The following MLLT3 variants were observed in gnomAD, a reference collection of about 807,000 sequenced individuals.
MLLT3 encodes MLLT3 super elongation complex subunit, also known as protein AF-9.
A neutral mutation model predicts 53.2 loss-of-function variants in MLLT3; 4 were observed. The ratio of observed to expected loss-of-function variants is 0.08; its 90% CI spans 0.04 to 0.17. MLLT3 has a LOEUF of 0.17. MLLT3 is among the 10% of genes least tolerant of loss of function. The pLI, the probability that MLLT3 is intolerant of heterozygous loss-of-function variation, is 1.00. For synonymous variants in MLLT3, 283 were observed against 230.6 expected, an observed-to-expected ratio of 1.23 and a Z score of -2.06; for missense variants, 569 against 684.0, an observed-to-expected ratio of 0.83 and a Z score of 1.87.
At chr9:20,353,045 GA>G (rs531572654) in intron 10 of MLLT3, among the ~76,000 whole-genome samples, 9 of 151,954 alleles carry the variant, frequency 5.9e-5, no homozygotes, top group Non-Finnish European at 1.3e-4. Context: ...CATAATAATA[GA>G]ATGTATGTCA....
intron 5 of MLLT3, among the ~76,000 whole-genome samples, chr9:20,393,393 T>C (rs936794959): frequency 6.6e-6 from 1 of 152,196 alleles, no homozygotes; most frequent in Non-Finnish European, 1.5e-5. Context: ...GGACTACTCA[T>C]AGAAGATTAT....
At chr9:20,372,840 T>C (rs1423932521) in intron 5 of MLLT3, among the ~76,000 whole-genome samples, 1 of 152,112 alleles carries the variant, frequency 6.6e-6, no homozygotes, top group Non-Finnish European at 1.5e-5. Context: ...CCAAGAAAAT[T>C]GTAAGCATTT....
chr9:20,597,945 C>G (rs1337095939), intron 2 of MLLT3, among the ~76,000 whole-genome samples: 3 of 152,166 alleles, frequency 2.0e-5, no homozygotes, highest in Non-Finnish European at 4.4e-5. Flanking sequence ...TCAACCAGGT[C>G]CTGTTTCTGT....
rs1241205382 is a variant in MLLT3, at chr9:20,448,447, T to A, written c.277-181A>T. 3.5e-4 allele frequency among the ~76,000 whole-genome samples: 53 copies of A among 151,462 alleles called. No homozygotes were observed. The highest frequency in any genetic ancestry group is 3.2e-3 in the Admixed American group (49 of 15,214). On this transcript the variant is annotated intron_variant, in intron 3 of 10. Transcript: ENST00000380338. This position sits in a 1 kb window ranked among gnomAD's most constrained non-coding sequence, Gnocchi z 4.0. ...AATCATCAGTGAAACAAAATAGAAA[T>A]GTCTGACAAATTAGTTTCTTGTGTT...
At chr9:20,463,313 CACA>C (rs1018405885) in intron 2 of MLLT3, among the ~76,000 whole-genome samples, 4 of 152,016 alleles carry the variant, frequency 2.6e-5, no homozygotes, top group African/African-American at 9.7e-5. Flanking sequence ...TTAACATACG[CACA>C]ACATTTTCAG....
intron 2 of MLLT3, among the ~76,000 whole-genome samples, chr9:20,523,395 T>C (rs973994153): frequency 2.2e-4 from 33 of 152,232 alleles, no homozygotes; most frequent in African/African-American, 7.2e-4. Flanking sequence ...GTTGAAAATT[T>C]AAGTCCATAC....
intron 10 of MLLT3, among the ~76,000 whole-genome samples, 189 bp downstream of exon 10, chr9:20,353,336 C>G (rs1207937646): frequency 1.3e-5 from 2 of 152,196 alleles, no homozygotes; most frequent in East Asian, 3.8e-4. Context: ...GAACAGTTGC[C>G]ATAGAGCTCC....
intron 2 of MLLT3, among the ~76,000 whole-genome samples, chr9:20,483,697 T>G (rs984102015): frequency 1.8e-5 from 2 of 110,432 alleles, no homozygotes; most frequent in Non-Finnish European, 3.5e-5. Flanking sequence ...TCAGTAAAAC[T>G]CTTTTTTTTT....
intron 4 of MLLT3, among the ~76,000 whole-genome samples, chr9:20,434,907 T>A (rs1823365370): frequency 6.6e-6 from 1 of 152,176 alleles, no homozygotes; most frequent in Admixed American, 6.5e-5. Context: ...CATTTCCACA[T>A]CTTGTTGGGA....
rs1032147949 is a variant in MLLT3, at chr9:20,341,880, C to A, written c.*4563G>T. Reference sequence around the variant, plus strand: ...CCGGGCACACATAGCCCAGTTTATGCCAAAAAATGTATCCCACCACTTCTT... The same window carrying A: ...CCGGGCACACATAGCCCAGTTTATGACAAAAAATGTATCCCACCACTTCTT... On this transcript the variant is annotated 3_prime_UTR_variant, in exon 11 of 11. Transcript: ENST00000380338. 4 of 204,056 alleles carry A rather than the reference C, an allele frequency of 2.0e-5. No homozygotes were observed. Among genetic ancestry groups the A allele is most frequent in the African/African-American group, 6.9e-5 (3 of 43,576 alleles). 12.6% of individuals were successfully genotyped at this position (204,056 alleles called of 1,614,324 possible). A position where few individuals can be genotyped will look rare whatever the true frequency, so the allele number is the denominator to read the frequency against.
At chr9:20,406,664 C>T (rs891440448) in intron 5 of MLLT3, among the ~76,000 whole-genome samples, 4 of 151,992 alleles carry the variant, frequency 2.6e-5, no homozygotes, top group African/African-American at 9.7e-5. Flanking sequence ...CCTGAGGGAC[C>T]CATATATGTA....
Position 20,615,360 on chromosome 9 carries a change from G to GAAAAAAAA in MLLT3, c.193+5286_193+5293dup, listed in dbSNP as rs10601830. Among the ~76,000 whole-genome samples, 40 of 48,772 alleles carry GAAAAAAAA rather than the reference G, an allele frequency of 8.2e-4. 2 individuals carry two copies. Among genetic ancestry groups the GAAAAAAAA allele is most frequent in the Admixed American group, 1.1e-3 (3 of 2,818 alleles). 32.0% of individuals were successfully genotyped at this position (48,772 alleles called of 152,430 possible). A position where few individuals can be genotyped will look rare whatever the true frequency, so the allele number is the denominator to read the frequency against. ...CCTGGGTGACAGGGCCAGACCATGT[G>GAAAAAAAA]AAAAAAAAAAAAAAAAAAAAAAAAA... On this transcript the variant is annotated intron_variant, in intron 2 of 10. Coordinates refer to ENST00000380338, the MANE Select transcript of MLLT3 (RefSeq NM_004529.4).
chr9:20,538,726 T>G (rs141112210), intron 2 of MLLT3, among the ~76,000 whole-genome samples: 2 of 152,340 alleles, frequency 1.3e-5, no homozygotes, highest in African/African-American at 4.8e-5. Context: ...CATTCCTATT[T>G]AGTCCCTTAA....
intron 4 of MLLT3, among the ~76,000 whole-genome samples, chr9:20,435,744 T>G (rs541315148): frequency 6.6e-6 from 1 of 152,224 alleles, no homozygotes; most frequent in African/African-American, 2.4e-5. Flanking sequence ...GAAATTAGTT[T>G]TGTATAGGGA....
chr9:20,620,760 G>A lies in MLLT3; in HGVS notation c.87C>T (p.Thr29=), dbSNP rs1290412453. ...CGCGTACGAACACCATCCAGTCGTG[G>A]GTGAAGCCCTCCACGGTGGGTTTTT... is the stretch of plus-strand genomic sequence containing the variant. The part of the protein sequence containing the change: ...VRKKPTVEGF[T]HDWMVFVRGP... The change falls in exon 2 of 11, where the codon ACC becomes ACT. Residue 29 remains threonine (T), a synonymous_variant. Transcript: ENST00000380338. This position sits in a 1 kb window ranked among gnomAD's most constrained non-coding sequence, Gnocchi z 6.1. 3 of 1,614,036 alleles carry A rather than the reference G, an allele frequency of 1.9e-6. No individual in the cohort carries two copies. The highest frequency in any genetic ancestry group is 1.7e-6 in the Non-Finnish European group (2 of 1,180,018).
chr9:20,435,495 T>C (rs1747194012), intron 4 of MLLT3, among the ~76,000 whole-genome samples: 1 of 152,186 alleles, frequency 6.6e-6, no homozygotes, highest in Non-Finnish European at 1.5e-5. Flanking sequence ...AATCTGGCAT[T>C]AAGTGTGGCC....
chr9:20,549,866 C>T (rs543124594), intron 2 of MLLT3, among the ~76,000 whole-genome samples: 5 of 152,228 alleles, frequency 3.3e-5, no homozygotes, highest in African/African-American at 1.2e-4. Flanking sequence ...CTTCTTAGCA[C>T]ATGCGTGCAG....
chr9:20,388,310 C>G (rs892523095), intron 5 of MLLT3, among the ~76,000 whole-genome samples: 4 of 152,052 alleles, frequency 2.6e-5, no homozygotes, highest in African/African-American at 9.7e-5. Context: ...ATTCTCTGGC[C>G]GGGTGCGGTG....
At chr9:20,415,523 A>G (rs1162356758) in intron 4 of MLLT3, 3 of 715,024 alleles carry the variant, frequency 4.2e-6, no homozygotes, top group Admixed American at 6.3e-5. Flanking sequence ...TACTAAAAGA[A>G]GAGCTCTTTC....
Sources: allele counts gnomAD v4.1 joint callset (sites outside exome capture counted in the v4.1 genomes callset), GRCh38; gene constraint gnomAD v4.1.1; non-coding constraint Gnocchi (gnomAD v3.1); transcripts MANE v1.5; gene names NCBI Gene and HGNC (gene_info 2026-07-23, HGNC 2026-07-21).